Variants in SYT2 observed in about 807,000 individuals in gnomAD.
SYT2 encodes synaptotagmin 2.
Under a neutral mutation model 39.9 loss-of-function variants are expected in SYT2, and 15 were observed. That is an observed-to-expected ratio of 0.38 (90% confidence interval 0.25 to 0.58). The LOEUF (loss-of-function observed/expected upper bound fraction) is 0.58. SYT2 is among the 20% of genes least tolerant of loss of function. SYT2 has a pLI of 0.70. For missense variants in SYT2, 389 were observed against 530.3 expected, an observed-to-expected ratio of 0.73 and a Z score of 2.62; for synonymous variants, 181 against 204.5, an observed-to-expected ratio of 0.89 and a Z score of 0.98.
intron 2 of SYT2, 160 bp downstream of exon 2, chr1:202,605,435 C>T (rs1427665005): frequency 1.8e-6 from 1 of 570,414 alleles, no homozygotes; most frequent in Non-Finnish European, 3.0e-6. Context: ...GATCCTACTT[C>T]CCCCTCCCCG....
intron 2 of SYT2, chr1:202,604,949 T>C (rs888523564): frequency 1.9e-5 from 5 of 256,640 alleles, no homozygotes; most frequent in African/African-American, 9.1e-5. Context: ...GTGTGATCTA[T>C]GGAGGACTGG....
Position 202,605,593 on chromosome 1 carries a change from A to C in SYT2, c.178+2T>G. On this transcript the variant is annotated splice_donor_variant, in intron 2 of 8. Coordinates refer to ENST00000367268, the MANE Select transcript of SYT2 (RefSeq NM_177402.5). LOFTEE classifies it high-confidence loss of function. ...ACCCTCTCAGCCACCAGAGACACTC[A>C]CAGGGAATCTTGTTTATCTCATTGA... 6.2e-7 allele frequency: 1 copy of C among 1,613,134 alleles called. No homozygotes were observed. Among genetic ancestry groups the C allele is most frequent in the Non-Finnish European group, 8.5e-7 (1 of 1,179,184 alleles).
At chr1:202,677,009 T>C (rs1156602924) in intron 1 of SYT2, among the ~76,000 whole-genome samples, 1 of 151,792 alleles carries the variant, frequency 6.6e-6, no homozygotes, top group African/African-American at 2.4e-5. Context: ...ACCTTTGTTC[T>C]CTCTCTCTCC....
At chr1:202,629,878 G>GGCGGT (rs567102569) in intron 1 of SYT2, among the ~76,000 whole-genome samples, 8 of 119,326 alleles carry the variant, frequency 6.7e-5, no homozygotes, top group African/African-American at 2.7e-4. Flanking sequence ...GGGGGGGGGG[G>GGCGGT]GGTGGTACGG....
At chr1:202,640,734 C>CAGAGAGAGAGAGAGAGAGAGAG (rs56979202) in intron 1 of SYT2, among the ~76,000 whole-genome samples, 2 of 90,670 alleles carry the variant, frequency 2.2e-5, no homozygotes, top group African/African-American at 3.7e-5. Flanking sequence ...TCCTAATGGT[C>CAGAGAGAGAGAGAGAGAGAGAG]AGAGAGAGAG....
chr1:202,678,527 T>C (rs1462603129), intron 1 of SYT2, among the ~76,000 whole-genome samples: 1 of 152,056 alleles, frequency 6.6e-6, no homozygotes, highest in Non-Finnish European at 1.5e-5. Context: ...CTCTCTGAGA[T>C]CCTGTTTTCA....
At chr1:202,670,330 G>C (rs1167122567) in intron 1 of SYT2, among the ~76,000 whole-genome samples, 2 of 152,168 alleles carry the variant, frequency 1.3e-5, no homozygotes, top group Non-Finnish European at 2.9e-5. Context: ...GGATCATAGA[G>C]AAGTGGGAGC....
intron 6 of SYT2, among the ~76,000 whole-genome samples, chr1:202,600,943 A>C (rs1256412567): frequency 1.3e-5 from 2 of 152,198 alleles, no homozygotes; most frequent in Non-Finnish European, 2.9e-5. Flanking sequence ...AGTCCCACCC[A>C]CCAAGATCTC....
intron 1 of SYT2, among the ~76,000 whole-genome samples, chr1:202,685,941 C>T (rs796625597): frequency 6.6e-5 from 10 of 151,106 alleles, no homozygotes; most frequent in African/African-American, 2.4e-4. Context: ...GGAGCTCTCA[C>T]CCTCTACACT....
intron 1 of SYT2, among the ~76,000 whole-genome samples, chr1:202,662,129 G>C (rs1292885446): frequency 3.9e-5 from 6 of 152,206 alleles, no homozygotes; most frequent in African/African-American, 1.4e-4. Context: ...AGAGTTTTTG[G>C]GGGGAGAATA....
At chr1:202,603,598 G>A (rs532252597) in intron 3 of SYT2, among the ~76,000 whole-genome samples, 1 of 152,242 alleles carries the variant, frequency 6.6e-6, no homozygotes, top group Non-Finnish European at 1.5e-5. Flanking sequence ...TGATGTAAGA[G>A]AAAATCCTGC....
chr1:202,607,359 A>T (rs1028619733), intron 1 of SYT2, among the ~76,000 whole-genome samples: 2 of 152,230 alleles, frequency 1.3e-5, no homozygotes, highest in Non-Finnish European at 2.9e-5. Context: ...CATCCGTTTT[A>T]CTGAATGGCA....
In SYT2 at chr1:202,599,169, T is replaced by G; in HGVS notation, c.1053+49A>C. 2 of 1,603,104 alleles carry G rather than the reference T, an allele frequency of 1.2e-6. No individual in the cohort carries two copies. Among genetic ancestry groups the G allele is most frequent in the East Asian group, 4.5e-5 (2 of 44,542 alleles). ...CTCTCTTCAACCTCCCCATACATGT[T>G]TGCCTCCCCAAACCCTGCTCCATGC... is the stretch of plus-strand genomic sequence containing the variant. On this transcript the variant is annotated intron_variant, in intron 8 of 8. Coordinates refer to ENST00000367268, the MANE Select transcript of SYT2 (RefSeq NM_177402.5). The surrounding 1 kb of genome is among the most constrained non-coding windows in gnomAD (Gnocchi z 4.4).
At chr1:202,695,218 C>A (rs936509587) in intron 1 of SYT2, among the ~76,000 whole-genome samples, 3 of 152,132 alleles carry the variant, frequency 2.0e-5, no homozygotes, top group East Asian at 1.9e-4. Flanking sequence ...GCAATACACC[C>A]CTGCTCACAC....
intron 1 of SYT2, among the ~76,000 whole-genome samples, chr1:202,634,486 T>C (rs1691689493): frequency 6.7e-6 from 1 of 148,880 alleles, no homozygotes; most frequent in Admixed American, 6.7e-5. Context: ...AGAGTGAAAC[T>C]CCATCTCAAA....
chr1:202,662,782 G>A (rs1466283670), intron 1 of SYT2, among the ~76,000 whole-genome samples: 1 of 152,210 alleles, frequency 6.6e-6, no homozygotes, highest in Non-Finnish European at 1.5e-5. Flanking sequence ...ACCTCTCTGG[G>A]CCTCAGGATC....
chr1:202,604,102 T>C (rs1490052909), intron 3 of SYT2, among the ~76,000 whole-genome samples: 2 of 152,198 alleles, frequency 1.3e-5, no homozygotes, highest in African/African-American at 4.8e-5. Context: ...CCATGAGATA[T>C]TGTCCTTCAG....
chr1:202,675,543 C>G (rs553115426), intron 1 of SYT2, among the ~76,000 whole-genome samples: 1 of 152,204 alleles, frequency 6.6e-6, no homozygotes, highest in South Asian at 2.1e-4. Context: ...TTCAGGGACT[C>G]AGGGAAAGGC....
chr1:202,691,729 GGGGGAGAGAGAGAGAGAGAGAGAGA>G (rs1653834484), intron 1 of SYT2, among the ~76,000 whole-genome samples: 1 of 23,458 alleles, frequency 4.3e-5, no homozygotes, highest in African/African-American at 9.7e-5. Context: ...GAGGGAGAGG[GGGGGAGAGAGAGAGAGAGAGAGAGA>G]GAGAGAGAGA....
Sources: allele counts gnomAD v4.1 joint callset (sites outside exome capture counted in the v4.1 genomes callset), GRCh38; gene constraint gnomAD v4.1.1; non-coding constraint Gnocchi (gnomAD v3.1); transcripts MANE v1.5; gene names NCBI Gene and HGNC (gene_info 2026-07-23, HGNC 2026-07-21).